Variants in ATP2B1 observed in about 807,000 individuals in gnomAD.
ATP2B1 encodes ATPase plasma membrane Ca2+ transporting 1.
Under a neutral mutation model 124.2 loss-of-function variants are expected in ATP2B1, and 14 were observed. The ratio of observed to expected loss-of-function variants is 0.11; its 90% CI spans 0.07 to 0.18. ATP2B1 has a LOEUF of 0.18. Ranked by LOEUF, ATP2B1 falls within the 10% of genes least tolerant of loss-of-function variation. The pLI, the probability that ATP2B1 is intolerant of heterozygous loss-of-function variation, is 1.00. For synonymous variants in ATP2B1, 449 were observed against 492.4 expected (o/e 0.91, Z 1.17); for missense variants, 763 against 1,466.1 (o/e 0.52, Z 7.83).
At chr12:89,602,947 A>C in intron 18 of ATP2B1, 96 bp downstream of exon 18, 1 of 1,089,756 alleles carries the variant, frequency 9.2e-7, no homozygotes, top group South Asian at 1.5e-5. Flanking sequence ...CAACAGTTCC[A>C]CACATGTTCC....
chr12:89,611,267 A>T lies in ATP2B1; in HGVS notation c.2173T>A (p.Leu725Ile). The change falls in exon 13 of 21, where the codon TTA becomes ATA. Residue 725 changes from leucine (L) to isoleucine (I), a missense_variant. Transcript: ENST00000428670. ...CACAGAAAATCTTCCCCAGGATGTA[A>T]AATACCACATTTGGTAGCAATGGCC... is the stretch of plus-strand genomic sequence containing the variant. ...ARAIATKCGI[L>I]HPGEDFLCLE... 1 of 1,612,114 alleles carries T rather than the reference A, an allele frequency of 6.2e-7. No individual in the cohort carries two copies. Among genetic ancestry groups the T allele is most frequent in the Non-Finnish European group, 8.5e-7 (1 of 1,179,158 alleles).
intron 15 of ATP2B1, among the ~76,000 whole-genome samples, chr12:89,608,301 T>C (rs934414651): frequency 2.0e-5 from 3 of 152,106 alleles, no homozygotes; most frequent in Non-Finnish European, 2.9e-5. Flanking sequence ...TCCAAGTAGT[T>C]GGGATTACAG....
chr12:89,630,692 C>T (rs765579236), intron 5 of ATP2B1, 47 bp from the exon 6 acceptor site: 1 of 1,344,266 alleles, frequency 7.4e-7, no homozygotes, highest in African/African-American at 1.5e-5. Context: ...GATAGATCTC[C>T]TTGCTACCAC....
chr12:89,596,051 G>A (rs1874538356), intron 20 of ATP2B1, among the ~76,000 whole-genome samples: 1 of 151,992 alleles, frequency 6.6e-6, no homozygotes, highest in East Asian at 1.9e-4. Context: ...AGAGGTGTGT[G>A]CATATATGTG....
At chr12:89,671,059 A>G (rs974820408) in intron 1 of ATP2B1, among the ~76,000 whole-genome samples, 1 of 152,114 alleles carries the variant, frequency 6.6e-6, no homozygotes, top group African/African-American at 2.4e-5. Flanking sequence ...ATTATACATT[A>G]TATCAGGTTA....
chr12:89,644,044 C>G (rs1437345457), intron 2 of ATP2B1, among the ~76,000 whole-genome samples: 1 of 152,110 alleles, frequency 6.6e-6, no homozygotes, highest in Non-Finnish European at 1.5e-5. Context: ...ATCACTTGAA[C>G]CCAGGAGGCT....
Position 89,590,836 on chromosome 12 carries a change from TA to T in ATP2B1, c.*147del. 17 of 860,728 alleles carry T rather than the reference TA, an allele frequency of 2.0e-5. No homozygotes were observed. Among genetic ancestry groups the T allele is most frequent in the East Asian group, 2.8e-5 (1 of 35,846 alleles). 53.3% of individuals were successfully genotyped at this position (860,728 alleles called of 1,614,324 possible). On this transcript the variant is annotated 3_prime_UTR_variant, in exon 21 of 21. Coordinates refer to ENST00000428670, the MANE Select transcript of ATP2B1 (RefSeq NM_001366521.1). ...GCAGAAAGCTTTGCTTTTTTTTTTT[TA>T]AAAAAATAAATCTACATTCGTACAA...
chr12:89,625,071 G>A (rs1257041996), intron 8 of ATP2B1, among the ~76,000 whole-genome samples: 3 of 151,260 alleles, frequency 2.0e-5, no homozygotes, highest in Non-Finnish European at 2.9e-5. Flanking sequence ...TCAGGAATTC[G>A]AGACCAGCCA....
intron 1 of ATP2B1, among the ~76,000 whole-genome samples, chr12:89,681,080 A>C (rs1401294362): frequency 6.6e-6 from 1 of 152,220 alleles, no homozygotes; most frequent in Non-Finnish European, 1.5e-5. Context: ...GGGAAGCTTT[A>C]GCAAAATGAC....
At chr12:89,631,800 C>T (rs1881905499) in intron 5 of ATP2B1, among the ~76,000 whole-genome samples, 1 of 151,948 alleles carries the variant, frequency 6.6e-6, no homozygotes, top group Admixed American at 6.6e-5. Flanking sequence ...AGAAACTTGC[C>T]CAAGGTTATA....
chr12:89,666,491 TTC>T (rs1358270988), intron 1 of ATP2B1, among the ~76,000 whole-genome samples: 1 of 152,228 alleles, frequency 6.6e-6, no homozygotes, highest in Non-Finnish European at 1.5e-5. Context: ...TGTGTAAACA[TTC>T]TGACCTTCAA....
chr12:89,673,582 G>C (rs1254675885), intron 1 of ATP2B1, among the ~76,000 whole-genome samples: 2 of 152,188 alleles, frequency 1.3e-5, no homozygotes, highest in Non-Finnish European at 2.9e-5. Flanking sequence ...TCAACACTGT[G>C]AGGGTGCCAT....
rs1178949170 is a variant in ATP2B1 at position 89,601,433 on chromosome 12, T to C, written c.3061A>G (p.Ile1021Val). ...TIVLGTFVVQ[I>V]IIVQFGGKPF... ...TTTCCACCAAACTGCACAATTATTA[T>C]CTGGAGGAATAATCAAGAGTAAATT... The change falls in exon 19 of 21, where the codon ATA (isoleucine) becomes GTA (valine). Residue 1021 changes from isoleucine (I) to valine (V), a missense_variant and splice_region_variant. Transcript: ENST00000428670. 2.6e-6 allele frequency: 4 copies of C among 1,521,986 alleles called. No individual in the cohort carries two copies. The Admixed American group carries it at 9.5e-5, about 36-fold the overall frequency. 94.3% of individuals were successfully genotyped at this position (1,521,986 alleles called of 1,614,324 possible). A position where few individuals can be genotyped will look rare whatever the true frequency, so the allele number is the denominator to read the frequency against.
At chr12:89,697,931 A>G (rs1200536654) in intron 1 of ATP2B1, among the ~76,000 whole-genome samples, 3 of 152,036 alleles carry the variant, frequency 2.0e-5, no homozygotes, top group African/African-American at 4.8e-5. Flanking sequence ...GCTGGAGTGC[A>G]GTGGCACGAT....
Position 89,707,523 on chromosome 12 carries a change from T to C in ATP2B1, c.-222+1073A>G, listed in dbSNP as rs554994293. 8.5e-5 allele frequency among the ~76,000 whole-genome samples: 13 copies of C among 152,230 alleles called. 1 individual carries two copies. The South Asian group carries it at 2.3e-3, about 27-fold the overall frequency. ...GATACCAACAGAAGCCATTAGATTA[T>C]TAATAAACCAAGAAAAGTAGCGGGC... On this transcript the variant is annotated intron_variant, in intron 1 of 20. Coordinates refer to ENST00000428670, the MANE Select transcript of ATP2B1 (RefSeq NM_001366521.1).
At chr12:89,686,026 T>C (rs1889928839) in intron 1 of ATP2B1, among the ~76,000 whole-genome samples, 1 of 152,146 alleles carries the variant, frequency 6.6e-6, no homozygotes, top group South Asian at 2.1e-4. Flanking sequence ...ACCTTGTCTG[T>C]AGCATTCTGT....
At chr12:89,688,900 C>A (rs1041782402) in intron 1 of ATP2B1, among the ~76,000 whole-genome samples, 39 of 152,016 alleles carry the variant, frequency 2.6e-4, no homozygotes, top group Non-Finnish European at 4.4e-5. Flanking sequence ...TTTTGCCATC[C>A]GTAAGCTTAG....
At chr12:89,672,592 G>T (rs752251242) in intron 1 of ATP2B1, among the ~76,000 whole-genome samples, 1 of 152,016 alleles carries the variant, frequency 6.6e-6, no homozygotes, top group African/African-American at 2.4e-5. Context: ...CACGTCTCTT[G>T]CCTTCCGTGT....
intron 1 of ATP2B1, among the ~76,000 whole-genome samples, chr12:89,704,647 AT>A (rs1374559436): frequency 6.6e-6 from 1 of 152,158 alleles, no homozygotes; most frequent in Non-Finnish European, 1.5e-5. Flanking sequence ...AAAAAGTACA[AT>A]TGTCTGCCTT....
Sources: allele counts gnomAD v4.1 joint callset (sites outside exome capture counted in the v4.1 genomes callset), GRCh38; gene constraint gnomAD v4.1.1; transcripts MANE v1.5; gene names NCBI Gene and HGNC (gene_info 2026-07-23, HGNC 2026-07-21).